NEK4: variants seen among roughly 807,000 people sequenced by gnomAD.
NEK4 encodes the protein serine/threonine-protein kinase Nek4.
Under a neutral mutation model 98.4 loss-of-function variants are expected in NEK4, and 86 were observed. The observed-to-expected ratio is 0.87, with a 90% confidence interval of 0.73 to 1.05. The LOEUF is 1.05. Ranked by LOEUF, NEK4 falls within the 50% of genes least tolerant of loss-of-function variation. The pLI is 0.00. For synonymous variants in NEK4, 328 were observed against 342.2 expected (o/e 0.96, Z 0.46); for missense variants, 898 against 950.3 (o/e 0.94, Z 0.72).
At chr3:52,717,351 G>A (rs1013860810) in intron 15 of NEK4, among the ~76,000 whole-genome samples, 1 of 149,500 alleles carries the variant, frequency 6.7e-6, no homozygotes, top group African/African-American at 2.5e-5. Context: ...AGGTTGCAGT[G>A]AGCTGAGATC....
chr3:52,718,510 T>C (rs536735129), intron 15 of NEK4, among the ~76,000 whole-genome samples: 148 of 151,364 alleles, frequency 9.8e-4, no homozygotes, highest in Non-Finnish European at 2.0e-3. Flanking sequence ...AATTATAGCC[T>C]TTTACCTTCT....
intron 15 of NEK4, chr3:52,733,373 G>A (rs535071565): frequency 2.5e-5 from 9 of 360,238 alleles, no homozygotes; most frequent in African/African-American, 8.7e-5. Flanking sequence ...CAAATGTAAC[G>A]AATGTGGTAA....
At chr3:52,741,024 G>A (rs151032151) in intron 13 of NEK4, among the ~76,000 whole-genome samples, 6,300 of 151,786 alleles carry the variant, frequency 0.042, 241 homozygotes, top group African/African-American at 0.099. Flanking sequence ...CACGAGGTCA[G>A]GAGATCGAGA....
intron 15 of NEK4, among the ~76,000 whole-genome samples, chr3:52,729,655 C>T (rs1292345054): frequency 4.7e-5 from 7 of 150,126 alleles, no homozygotes; most frequent in Non-Finnish European, 1.0e-4. Flanking sequence ...TTGCAGTGAG[C>T]CGAGATCATG....
At chr3:52,731,489 G>A (rs999547177) in intron 15 of NEK4, among the ~76,000 whole-genome samples, 6 of 152,230 alleles carry the variant, frequency 3.9e-5, no homozygotes, top group Non-Finnish European at 8.8e-5. Flanking sequence ...GAATAGAAAT[G>A]AGAGTCCAGA....
At chr3:52,749,087 AG>A (rs2097400879) in intron 8 of NEK4, among the ~76,000 whole-genome samples, 1 of 151,168 alleles carries the variant, frequency 6.6e-6, no homozygotes, top group Non-Finnish European at 1.5e-5. Flanking sequence ...GCCTTGCAGA[AG>A]GGGAAGAGGG....
intron 7 of NEK4, among the ~76,000 whole-genome samples, chr3:52,750,145 T>C (rs2097402711): frequency 6.6e-6 from 1 of 152,242 alleles, no homozygotes; most frequent in Admixed American, 6.5e-5. Flanking sequence ...GAAACTTGTA[T>C]GCAAGTGTTC....
chr3:52,746,052 C>T lies in NEK4; in HGVS notation c.1827+9G>A. ...GGTTTTTAAAAATCCAGCATATGTT[C>T]CCACAAACCTTTGATGATGACATCT... is the stretch of plus-strand genomic sequence containing the variant. On this transcript the variant is annotated intron_variant, in intron 10 of 15. Coordinates refer to ENST00000233027, the MANE Select transcript of NEK4 (RefSeq NM_003157.6). 1 of 1,611,854 alleles carries T rather than the reference C, an allele frequency of 6.2e-7. No homozygotes were observed. The highest frequency in any genetic ancestry group is 2.2e-5 in the East Asian group (1 of 44,866).
Position 52,741,413 on chromosome 3 carries a change from T to C in NEK4, c.2091A>G (p.Glu697=). The C allele has an allele frequency of 6.3e-7, 1 of 1,584,974 alleles. No homozygotes were observed. The highest frequency in any genetic ancestry group is 1.7e-5 in the Admixed American group (1 of 59,906). ...STDKSDGDYG[E]GKGQTNEINA... is the part of the protein sequence containing the mutation. ...GAGACAGAAAAACAAGAACTTACCC[T>C]TCCCCGTAATCCCCATCTGACTTAT... Residue 697 remains glutamate (E), a splice_region_variant and synonymous_variant, in exon 13 of 16, where the codon GAA becomes GAG. Transcript: ENST00000233027.
intron 15 of NEK4, among the ~76,000 whole-genome samples, chr3:52,714,419 C>T (rs2097353212): frequency 6.6e-6 from 1 of 152,210 alleles, no homozygotes; most frequent in South Asian, 2.1e-4. Context: ...GGAGCAGCTG[C>T]AGAAGAGCAG....
At chr3:52,729,284 CTCTT>C (rs2097367378) in intron 15 of NEK4, among the ~76,000 whole-genome samples, 2 of 152,164 alleles carry the variant, frequency 1.3e-5, no homozygotes, top group African/African-American at 4.8e-5. Flanking sequence ...TGTACTCTTT[CTCTT>C]TATTTCTCAG....
rs533434034 is a variant in NEK4 at position 52,738,605 on chromosome 3, T to C, written c.2299+824A>G. Reference sequence around the variant, plus strand: ...AGCTGGGACTACAGGCATGAGCCACTATGCCTGGCTAATTTTTGTATTTTT... The same window carrying C: ...AGCTGGGACTACAGGCATGAGCCACCATGCCTGGCTAATTTTTGTATTTTT... On this transcript the variant is annotated intron_variant, in intron 14 of 15. Transcript: ENST00000233027. Among the ~76,000 whole-genome samples, 61 of 152,016 alleles carry C rather than the reference T, an allele frequency of 4.0e-4. 1 individual carries two copies. Among genetic ancestry groups the C allele is most frequent in the African/African-American group, 1.4e-3 (57 of 41,458 alleles).
At chr3:52,717,889 G>A (rs377194182) in intron 15 of NEK4, among the ~76,000 whole-genome samples, 2 of 151,904 alleles carry the variant, frequency 1.3e-5, no homozygotes, top group African/African-American at 4.8e-5. Flanking sequence ...CCCTCCCTGG[G>A]TTCAAGCAAT....
chr3:52,742,933 G>C (rs2097389224), intron 12 of NEK4, among the ~76,000 whole-genome samples: 1 of 152,108 alleles, frequency 6.6e-6, no homozygotes, highest in South Asian at 2.1e-4. Flanking sequence ...GGGACTACAG[G>C]TGTGCGCCAC....
intron 15 of NEK4, among the ~76,000 whole-genome samples, chr3:52,729,723 A>G (rs1474818399): frequency 3.3e-5 from 5 of 151,184 alleles, no homozygotes; most frequent in Non-Finnish European, 7.4e-5. Flanking sequence ...AAAAAAAAAA[A>G]GATTGCTTCA....
chr3:52,761,372 A>G (rs922599761), intron 5 of NEK4, among the ~76,000 whole-genome samples: 3 of 152,144 alleles, frequency 2.0e-5, no homozygotes, highest in Non-Finnish European at 4.4e-5. Flanking sequence ...TCCGCTGCCC[A>G]GGTTCAAGTG....
intron 15 of NEK4, among the ~76,000 whole-genome samples, chr3:52,719,337 C>A (rs1192883139): frequency 6.6e-6 from 1 of 151,974 alleles, no homozygotes; most frequent in African/African-American, 2.4e-5. Context: ...TGGGAGGAGG[C>A]CTCTTGGGGT....
chr3:52,770,749 T>C lies in NEK4; in HGVS notation c.-3A>G. 5.1e-6 allele frequency: 8 copies of C among 1,560,634 alleles called. No individual in the cohort carries two copies. Among genetic ancestry groups the C allele is most frequent in the Non-Finnish European group, 6.9e-6 (8 of 1,153,548 alleles). On this transcript the variant is annotated 5_prime_UTR_variant, in exon 1 of 16. Transcript: ENST00000233027. ...TAGCAGTAGGCGGCCAGGGGCATGT[T>C]CCCAGCGCTGGCCCAGAGTCGGGAT...
chr3:52,753,755 C>A, intron 6 of NEK4: 1 of 552,146 alleles, frequency 1.8e-6, no homozygotes, highest in South Asian at 1.4e-5. Context: ...GAAATACTCT[C>A]TTCTTGCTGA....
Sources: allele counts gnomAD v4.1 joint callset (sites outside exome capture counted in the v4.1 genomes callset), GRCh38; gene constraint gnomAD v4.1.1; transcripts MANE v1.5; gene names NCBI Gene and HGNC (gene_info 2026-07-23, HGNC 2026-07-21).